Variants in ZMAT4 observed in about 807,000 individuals in gnomAD.
The protein encoded by ZMAT4 is zinc finger matrin-type protein 4.
A neutral mutation model predicts 28.7 loss-of-function variants in ZMAT4; 17 were observed. The observed-to-expected ratio is 0.59, with a 90% CI of 0.41 to 0.89. The LOEUF (loss-of-function observed/expected upper bound fraction) is 0.89, where lower values mean the gene tolerates loss of function less well. Ranked by LOEUF, ZMAT4 falls within the 40% of genes least tolerant of loss-of-function variation. The pLI, the probability that ZMAT4 is intolerant of heterozygous loss-of-function variation, is 0.00. For synonymous variants in ZMAT4, 117 were observed against 109.2 expected, an observed-to-expected ratio of 1.07 and a Z score of -0.44; for missense variants, 240 against 283.8, an observed-to-expected ratio of 0.85 and a Z score of 1.11.
chr8:40,662,001 G>C (rs1357026028), intron 5 of ZMAT4, among the ~76,000 whole-genome samples: 1 of 152,116 alleles, frequency 6.6e-6, no homozygotes, highest in Non-Finnish European at 1.5e-5. Context: ...TTTTGAGACA[G>C]AGTCTCACTC....
intron 3 of ZMAT4, among the ~76,000 whole-genome samples, chr8:40,700,438 TAC>T (rs1810092147): frequency 7.7e-6 from 1 of 130,306 alleles, no homozygotes; most frequent in Non-Finnish European, 1.6e-5. Flanking sequence ...TTTTTTTGGC[TAC>T]AGAGTCTTGT....
At chr8:40,592,658 C>T (rs1394843575) in intron 5 of ZMAT4, among the ~76,000 whole-genome samples, 2 of 152,140 alleles carry the variant, frequency 1.3e-5, no homozygotes, top group Non-Finnish European at 2.9e-5. Flanking sequence ...CAATTTTAGC[C>T]ATATTGGATG....
chr8:40,835,536 T>A (rs1816447859), intron 1 of ZMAT4, among the ~76,000 whole-genome samples: 2 of 152,232 alleles, frequency 1.3e-5, no homozygotes, highest in Non-Finnish European at 2.9e-5. Flanking sequence ...TTCCTTTCAA[T>A]GTGAATACAT....
At chr8:40,867,655 G>A (rs1817722361) in intron 1 of ZMAT4, among the ~76,000 whole-genome samples, 2 of 152,102 alleles carry the variant, frequency 1.3e-5, no homozygotes, top group Non-Finnish European at 2.9e-5. Context: ...TCCTGTCCCT[G>A]GAAGTCTCCT....
At chr8:40,545,043 C>A (rs555238822) in intron 6 of ZMAT4, among the ~76,000 whole-genome samples, 1 of 152,134 alleles carries the variant, frequency 6.6e-6, no homozygotes, top group South Asian at 2.1e-4. Context: ...TTACTGTGAT[C>A]ATTGTGAGTT....
intron 4 of ZMAT4, 100 bp from the exon 5 acceptor site, chr8:40,675,031 G>C: frequency 1.2e-6 from 1 of 847,404 alleles, no homozygotes; most frequent in Non-Finnish European, 1.8e-6. Context: ...GTTCACTCTA[G>C]AGCTTAAACA....
At chr8:40,862,925 A>T (rs1817556475) in intron 1 of ZMAT4, among the ~76,000 whole-genome samples, 1 of 151,820 alleles carries the variant, frequency 6.6e-6, no homozygotes, top group Admixed American at 6.6e-5. Flanking sequence ...CATATGTAAC[A>T]AACCTGCACA....
At chr8:40,792,493 AAGGAAGGAAGGAAGGAAGGAAGG>A (rs1563487457) in intron 2 of ZMAT4, among the ~76,000 whole-genome samples, 1 of 24,116 alleles carries the variant, frequency 4.1e-5, no homozygotes, top group East Asian at 7.5e-4. Context: ...GGAAGGAAGG[AAGGAAGGAAGGAAGGAAGGAAGG>A]AAGGAAGGAA....
intron 2 of ZMAT4, among the ~76,000 whole-genome samples, chr8:40,798,805 A>C (rs1466567769): frequency 6.6e-6 from 1 of 152,246 alleles, no homozygotes; most frequent in Non-Finnish European, 1.5e-5. Flanking sequence ...ATCAGTAAAT[A>C]AAACGATGGT....
At chr8:40,684,194 A>C (rs72639675) in intron 4 of ZMAT4, among the ~76,000 whole-genome samples, 9,344 of 152,288 alleles carry the variant, frequency 0.061, 356 homozygotes, top group Non-Finnish European at 0.088. Flanking sequence ...CAAAAGAAAA[A>C]GAAAAGTACA....
At chr8:40,751,717 C>A (rs1005031706) in intron 3 of ZMAT4, among the ~76,000 whole-genome samples, 1 of 151,956 alleles carries the variant, frequency 6.6e-6, no homozygotes, top group African/African-American at 2.4e-5. Flanking sequence ...AGTAAGAGGG[C>A]GGTTACAGAA....
At chr8:40,762,138 C>A (rs577556961) in intron 3 of ZMAT4, among the ~76,000 whole-genome samples, 8 of 152,180 alleles carry the variant, frequency 5.3e-5, no homozygotes, top group African/African-American at 1.9e-4. Context: ...GTCAACGTTA[C>A]GCACAATGTC....
chr8:40,860,078 CAT>C (rs1817435563), intron 1 of ZMAT4, among the ~76,000 whole-genome samples: 1 of 152,188 alleles, frequency 6.6e-6, no homozygotes, highest in Non-Finnish European at 1.5e-5. Flanking sequence ...TGGAGCAAGA[CAT>C]AGATCTTTTC....
At chr8:40,873,350 T>G (rs1817928951) in intron 1 of ZMAT4, among the ~76,000 whole-genome samples, 1 of 152,180 alleles carries the variant, frequency 6.6e-6, no homozygotes, top group African/African-American at 2.4e-5. Context: ...AAAATGCAAA[T>G]GAGTCACCGA....
chr8:40,615,092 C>A (rs1169101500), intron 5 of ZMAT4, among the ~76,000 whole-genome samples: 2 of 152,078 alleles, frequency 1.3e-5, no homozygotes, highest in African/African-American at 4.8e-5. Flanking sequence ...TTTAGTGTTT[C>A]CTTCAGGAGC....
intron 5 of ZMAT4, among the ~76,000 whole-genome samples, chr8:40,609,694 T>C (rs1805725187): frequency 6.6e-6 from 1 of 152,150 alleles, no homozygotes; most frequent in Non-Finnish European, 1.5e-5. Context: ...CTCAATTTTC[T>C]TCTTACCTAT....
At chr8:40,837,031 T>C (rs1816518609) in intron 1 of ZMAT4, among the ~76,000 whole-genome samples, 3 of 152,192 alleles carry the variant, frequency 2.0e-5, no homozygotes, top group Admixed American at 6.5e-5. Flanking sequence ...TACACAATAA[T>C]GATGAGAGAC....
At chr8:40,764,490 G>T (rs1813064951) in intron 3 of ZMAT4, among the ~76,000 whole-genome samples, 1 of 152,138 alleles carries the variant, frequency 6.6e-6, no homozygotes, top group Admixed American at 6.5e-5. Context: ...TATGAATGGG[G>T]TGGGAGCAGG....
Position 40,554,748 on chromosome 8 carries a change from G to T in ZMAT4, c.675-22510C>A, listed in dbSNP as rs540470744. On this transcript the variant is annotated intron_variant, in intron 6 of 6. Coordinates refer to ENST00000297737, the MANE Select transcript of ZMAT4 (RefSeq NM_024645.3). ...TTGTTACACACATAGAATGTGTGAA[G>T]ATCAAGCCAGCATATTTGGGATATC... Among the ~76,000 whole-genome samples, 9 of 152,234 alleles carry T rather than the reference G, an allele frequency of 5.9e-5. No homozygotes were observed. In the East Asian group the frequency reaches 1.7e-3, roughly 29 times the overall value.
Sources: gnomAD v4.1 joint callset for allele counts (sites outside exome capture counted in the v4.1 genomes callset) on GRCh38, gnomAD v4.1.1 for gene constraint, MANE v1.5 for transcripts, NCBI Gene and HGNC (gene_info 2026-07-23, HGNC 2026-07-21) for gene names.